The following CD82 variants were observed in gnomAD, a reference collection of about 807,000 sequenced individuals.
CD82 encodes the protein CD82 antigen.
In CD82, 36 loss-of-function variants were observed where a neutral mutation model predicts 37.4. The ratio of observed to expected loss-of-function variants is 0.96; its 90% CI spans 0.74 to 1.27. CD82 has a LOEUF of 1.27. Among genes scored for constraint, CD82 ranks in the 50% most tolerant of loss-of-function variants. The probability of loss-of-function intolerance (pLI) is 0.00; values close to 1 mark genes in which losing one functional copy is unlikely to be tolerated. For missense variants in CD82, 340 were observed against 347.0 expected, an observed-to-expected ratio of 0.98 and a Z score of 0.16; for synonymous variants, 158 against 137.4, an observed-to-expected ratio of 1.15 and a Z score of -1.05.
chr11:44,607,061 C>G (rs1853408738), intron 6 of CD82: 2 of 152,292 alleles, frequency 1.3e-5, no homozygotes, highest in Admixed American at 1.3e-4. Context: ...TCCAGTGCCA[C>G]CAGTTCTTGT....
In CD82 at chr11:44,605,342, T is replaced by C. The variant is rs1248469784; in HGVS notation, c.262-13T>C. The C allele has an allele frequency of 2.0e-5, 33 of 1,614,070 alleles. No individual in the cohort carries two copies. Among genetic ancestry groups the C allele is most frequent in the Non-Finnish European group, 2.7e-5 (32 of 1,180,002 alleles). On this transcript the variant is annotated splice_polypyrimidine_tract_variant and intron_variant, in intron 5 of 9. Transcript: ENST00000227155. Reference sequence around the variant, plus strand: ...GACCCTCAGCTGACTTTGTGCCTGCTCTGTGTCCCCAGTACTTTGCTTTCC... The same window carrying C: ...GACCCTCAGCTGACTTTGTGCCTGCCCTGTGTCCCCAGTACTTTGCTTTCC...
intron 2 of CD82, among the ~76,000 whole-genome samples, chr11:44,590,332 G>T (rs911313656): frequency 2.6e-5 from 4 of 151,634 alleles, no homozygotes; most frequent in Admixed American, 2.6e-4. Context: ...ATCTGGGCCG[G>T]GCACAGTGGC....
intron 2 of CD82, among the ~76,000 whole-genome samples, chr11:44,589,421 T>C (rs555378195): frequency 6.6e-6 from 1 of 152,348 alleles, no homozygotes; most frequent in South Asian, 2.1e-4. Flanking sequence ...CTCTCCAATG[T>C]TTACCAAAAG....
At chr11:44,569,120 C>G (rs928531467) in intron 1 of CD82, among the ~76,000 whole-genome samples, 14 of 152,232 alleles carry the variant, frequency 9.2e-5, no homozygotes, top group African/African-American at 2.9e-4. Context: ...TTAATCTCAG[C>G]AGGAACTGCC....
Position 44,617,494 on chromosome 11 carries a change from G to C in CD82, c.439-668G>C, listed in dbSNP as rs2134696560. Among the ~76,000 whole-genome samples the C allele has an allele frequency of 2.0e-5, 3 of 150,022 alleles. 1 individual carries two copies. In the South Asian group the frequency reaches 6.4e-4, roughly 32 times the overall value. On this transcript the variant is annotated intron_variant, in intron 7 of 9. Transcript: ENST00000227155. ...GAATCGTTTGAACCCTGGAGGTGGA[G>C]GTTGCAGTGAGCCAAGATCACGCTG...
intron 2 of CD82, among the ~76,000 whole-genome samples, chr11:44,589,843 G>A (rs1853113662): frequency 6.6e-6 from 1 of 151,046 alleles, no homozygotes; most frequent in African/African-American, 2.4e-5. Flanking sequence ...TCTTCGTTTT[G>A]TTTTTTTTGA....
chr11:44,570,984 C>T (rs1273762223), intron 1 of CD82, among the ~76,000 whole-genome samples: 1 of 152,176 alleles, frequency 6.6e-6, no homozygotes, highest in Non-Finnish European at 1.5e-5. Context: ...CCCCTCTGAC[C>T]TCCTACCCTG....
chr11:44,597,494 C>G lies in CD82; in HGVS notation c.64-2664C>G, dbSNP rs1431177988. ...TTCTGGCTCTGCCACAGCCCCGTGG[C>G]TAATCCAGCCACATCTGACCATCAG... On this transcript the variant is annotated intron_variant, in intron 3 of 9. Coordinates refer to ENST00000227155, the MANE Select transcript of CD82 (RefSeq NM_002231.4). The surrounding 1 kb of genome is among the most constrained non-coding windows in gnomAD (Gnocchi z 4.1). Among the ~76,000 whole-genome samples, 1 of 152,272 alleles carries G rather than the reference C, an allele frequency of 6.6e-6. No homozygotes were observed. Among genetic ancestry groups the G allele is most frequent in the Non-Finnish European group, 1.5e-5 (1 of 68,048 alleles).
At chr11:44,579,270 T>G (rs1590329448) in intron 1 of CD82, among the ~76,000 whole-genome samples, 2 of 150,598 alleles carry the variant, frequency 1.3e-5, no homozygotes, top group South Asian at 4.2e-4. Flanking sequence ...GGCTAGAGGG[T>G]GGGCCCATTC....
intron 7 of CD82, among the ~76,000 whole-genome samples, chr11:44,616,905 C>T (rs1853572382): frequency 6.6e-6 from 1 of 152,122 alleles, no homozygotes; most frequent in African/African-American, 2.4e-5. Context: ...TGTGGGTGCC[C>T]CCAGCCTTGC....
chr11:44,619,393 C>T lies in CD82; in HGVS notation c.*267C>T, dbSNP rs546842038. ...CAGAGAAAAATGCTCCCCACAGCGT[C>T]CCTGGCGCAGGTGGGCTGGACTTCT... On this transcript the variant is annotated 3_prime_UTR_variant, in exon 10 of 10. Transcript: ENST00000227155. The T allele has an allele frequency of 3.2e-5, 16 of 505,572 alleles. No individual in the cohort carries two copies. Among genetic ancestry groups the T allele is most frequent in the Non-Finnish European group, 5.7e-5 (16 of 278,544 alleles). The allele number at this position is 505,572 out of a possible 1,614,324, so 31.3% of individuals were successfully genotyped here. A position where few individuals can be genotyped will look rare whatever the true frequency, so the allele number is the denominator to read the frequency against.
chr11:44,616,959 A>G (rs1387963199), intron 7 of CD82, among the ~76,000 whole-genome samples: 1 of 152,102 alleles, frequency 6.6e-6, no homozygotes, highest in Non-Finnish European at 1.5e-5. Flanking sequence ...TCTTGGAGAG[A>G]GGAGGCAGCC....
intron 4 of CD82, 102 bp from the exon 5 acceptor site, chr11:44,604,956 C>A: frequency 6.4e-7 from 1 of 1,550,438 alleles, no homozygotes; most frequent in Non-Finnish European, 8.9e-7. Flanking sequence ...CTGACCCCAA[C>A]ACCCTGGCTC....
chr11:44,588,061 T>G (rs1853083227), intron 2 of CD82, among the ~76,000 whole-genome samples: 1 of 152,212 alleles, frequency 6.6e-6, no homozygotes, highest in South Asian at 2.1e-4. Context: ...CGTCAAGGTA[T>G]CACAGTCCTC....
chr11:44,612,913 A>G (rs575668328), intron 6 of CD82, among the ~76,000 whole-genome samples: 1 of 152,178 alleles, frequency 6.6e-6, no homozygotes, highest in South Asian at 2.1e-4. Context: ...CTGGAATTAC[A>G]TACGTGAGCC....
rs566608696 is a variant in CD82, at chr11:44,597,942, TCTC to T, written c.64-2211_64-2209del. Among the ~76,000 whole-genome samples, 90 of 152,246 alleles carry T rather than the reference TCTC, an allele frequency of 5.9e-4. No individual in the cohort carries two copies. The highest frequency in any genetic ancestry group is 2.0e-3 in the African/African-American group (82 of 41,532). ...GTGGACCCACCTTCCAGCAGACTCTTCTCCTCCCCAGTGTCTCAGGGGCTTTTC... is the reference window on the plus strand; with the variant it reads ...GTGGACCCACCTTCCAGCAGACTCTTCTCCCCAGTGTCTCAGGGGCTTTTC... On this transcript the variant is annotated intron_variant, in intron 3 of 9. Coordinates refer to ENST00000227155, the MANE Select transcript of CD82 (RefSeq NM_002231.4). The surrounding 1 kb of genome is among the most constrained non-coding windows in gnomAD (Gnocchi z 4.1).
intron 6 of CD82, among the ~76,000 whole-genome samples, chr11:44,611,950 G>A (rs1413635096): frequency 6.6e-6 from 1 of 152,230 alleles, no homozygotes; most frequent in Non-Finnish European, 1.5e-5. Flanking sequence ...AACCACGCTG[G>A]GGTTTAAACA....
At chr11:44,570,651 A>C (rs1462379061) in intron 1 of CD82, among the ~76,000 whole-genome samples, 8 of 152,090 alleles carry the variant, frequency 5.3e-5, no homozygotes, top group Admixed American at 4.6e-4. Context: ...ATCCAGGGAG[A>C]TGGGAATGCA....
chr11:44,568,403 G>T (rs1210708431), intron 1 of CD82, among the ~76,000 whole-genome samples: 1 of 152,112 alleles, frequency 6.6e-6, no homozygotes, highest in South Asian at 2.1e-4. Flanking sequence ...TGGCTGGATT[G>T]GGTGAGTGGC....
Sources: allele counts gnomAD v4.1 joint callset (sites outside exome capture counted in the v4.1 genomes callset), GRCh38; gene constraint gnomAD v4.1.1; non-coding constraint Gnocchi (gnomAD v3.1); transcripts MANE v1.5; gene names NCBI Gene and HGNC (gene_info 2026-07-23, HGNC 2026-07-21).